The following RASAL3 variants were observed in gnomAD, a reference collection of about 807,000 sequenced individuals.
The protein encoded by RASAL3 is RAS protein activator like 3.
RASAL3 carries 74 observed loss-of-function variants against 105.5 expected under a neutral mutation model. The observed-to-expected ratio is 0.70, with a 90% CI of 0.58 to 0.85. The LOEUF (loss-of-function observed/expected upper bound fraction) is 0.85, where lower values mean the gene tolerates loss of function less well. Among genes scored for constraint, RASAL3 ranks in the 40% least tolerant of loss-of-function variants. The pLI is 0.00. For synonymous variants in RASAL3, 579 were observed against 591.6 expected (o/e 0.98, Z 0.31); for missense variants, 1,352 against 1,392.0 (o/e 0.97, Z 0.46).
intron 16 of RASAL3, 83 bp downstream of exon 16, chr19:15,452,575 T>TGGCG (rs1491257406): frequency 1.5e-4 from 123 of 837,866 alleles, no homozygotes; most frequent in Admixed American, 4.3e-4. Flanking sequence ...AGGCGTGGTT[T>TGGCG]GGGGGGGGGG....
In RASAL3 at chr19:15,457,679, C is replaced by T; in HGVS notation, c.1044G>A (p.Gln348=). 1 of 1,445,900 alleles carries T rather than the reference C, an allele frequency of 6.9e-7. No individual in the cohort carries two copies. The highest frequency in any genetic ancestry group is 2.9e-5 in the Admixed American group (1 of 34,390). The allele number at this position is 1,445,900 out of a possible 1,614,324, so 89.6% of individuals were successfully genotyped here. A position where few individuals can be genotyped will look rare whatever the true frequency, so the allele number is the denominator to read the frequency against. Residue 348 remains glutamine (Q), a synonymous_variant, in exon 9 of 18, where the codon CAG becomes CAA. Transcript: ENST00000343625. This position sits in a 1 kb window ranked among gnomAD's most constrained non-coding sequence, Gnocchi z 8.6. ...ARTAPRAGPG[Q]LFWAERFHFE... ...AGTGGAAGCGCTCGGCCCAGAAGAG[C>T]TGGCCTGGGCCGGCCCGAGGCGCCG...
intron 16 of RASAL3, 85 bp downstream of exon 16, chr19:15,452,573 T>TG: frequency 3.8e-6 from 3 of 782,776 alleles, no homozygotes; most frequent in Non-Finnish European, 4.9e-6. Flanking sequence ...CTAGGCGTGG[T>TG]TTGGGGGGGG....
intron 5 of RASAL3, 56 bp downstream of exon 5, chr19:15,461,004 A>G: frequency 1.9e-6 from 3 of 1,541,112 alleles, no homozygotes; most frequent in Non-Finnish European, 2.7e-6. Context: ...TTCAGCTTTG[A>G]GGGTCCGAGA....
chr19:15,452,205 A>G (rs983118904), intron 16 of RASAL3, 97 bp from the exon 17 acceptor site: 84 of 1,239,236 alleles, frequency 6.8e-5, no homozygotes, highest in Non-Finnish European at 9.3e-5. Context: ...CGGAGCTTGG[A>G]GTGGAGGCGG....
chr19:15,456,702 C>T lies in RASAL3; in HGVS notation c.1432-56G>A. On this transcript the variant is annotated intron_variant, in intron 9 of 17. Transcript: ENST00000343625. The surrounding 1 kb of genome is among the most constrained non-coding windows in gnomAD (Gnocchi z 4.4). ...GATGCAGACAGAGTCCAAGGGAATT[C>T]GGATCCTTGGCTGGTCCCTCACACC... The T allele has an allele frequency of 6.4e-7, 1 of 1,574,354 alleles. No individual in the cohort carries two copies. Among genetic ancestry groups the T allele is most frequent in the Non-Finnish European group, 8.6e-7 (1 of 1,163,326 alleles).
In RASAL3 at chr19:15,452,291, G is replaced by C. The variant is rs1970175253; in HGVS notation, c.2829-183C>G. 3 of 645,886 alleles carry C rather than the reference G, an allele frequency of 4.6e-6. 1 individual carries two copies. In the South Asian group the frequency reaches 5.2e-5, roughly 11 times the overall value. The allele number at this position is 645,886 out of a possible 1,614,324, so 40.0% of individuals were successfully genotyped here. A position where few individuals can be genotyped will look rare whatever the true frequency, so the allele number is the denominator to read the frequency against. ...GACCAGAGACGGGAATGGTTGGAAT[G>C]ACAGGACCTATCAATCATCCCTTGG... is the stretch of plus-strand genomic sequence containing the variant. On this transcript the variant is annotated intron_variant, in intron 16 of 17. Transcript: ENST00000343625.
rs1970346681 is a variant in RASAL3 at position 15,457,117 on chromosome 19, C to T, written c.1431+175G>A. Among the ~76,000 whole-genome samples, 1 of 151,918 alleles carries T rather than the reference C, an allele frequency of 6.6e-6. No homozygotes were observed. Among genetic ancestry groups the T allele is most frequent in the Non-Finnish European group, 1.5e-5 (1 of 67,938 alleles). On this transcript the variant is annotated intron_variant, in intron 9 of 17. Transcript: ENST00000343625. The surrounding 1 kb of genome is among the most constrained non-coding windows in gnomAD (Gnocchi z 8.6). Reference sequence around the variant, plus strand: ...TCAGGCCCCGCCCTTCTAGGTGCCCCGCCCTTCTAGGTGCCCCGCCGCTTA... The same window carrying T: ...TCAGGCCCCGCCCTTCTAGGTGCCCTGCCCTTCTAGGTGCCCCGCCGCTTA...
At position 15,454,166 on chromosome 19, in the gene RASAL3, CG is replaced by C; in HGVS notation, c.2261del (p.Pro754ArgfsTer89). Reference protein sequence around the residue: ...VSVPMRLPLPPAQVHSSLSAG... With the variant: ...VSVPMRLPLPXAQVHSSLSAG... The stretch of plus-strand genomic sequence containing the variant: ...GAGGTTACCTGGAGTGGACCTGGGC[CG>C]GGGGCAGTGGGAGACGCATTGGCAC... On this transcript the variant is annotated frameshift_variant, in exon 14 of 18. Transcript: ENST00000343625. LOFTEE classifies it high-confidence loss of function. The C allele has an allele frequency of 6.4e-7, 1 of 1,563,904 alleles. No homozygotes were observed. Among genetic ancestry groups the C allele is most frequent in the Non-Finnish European group, 8.7e-7 (1 of 1,153,790 alleles).
chr19:15,454,854 C>T lies in RASAL3; in HGVS notation c.1761G>A (p.Trp587Ter), dbSNP rs1970270166. 1.9e-6 allele frequency: 3 copies of T among 1,575,724 alleles called. No homozygotes were observed. The highest frequency in any genetic ancestry group is 2.6e-6 in the Non-Finnish European group (3 of 1,161,116). Residue 587 changes from tryptophan (W) to a stop codon, truncating the protein, a stop_gained, in exon 12 of 18, where the codon TGG (tryptophan) becomes TGA (stop). Transcript: ENST00000343625. LOFTEE classifies it high-confidence loss of function. ...PAELGIVFSS[W>*]REACKERGSE... ...AGCCACGTTCTTTACATGCTTCTCG[C>T]CAGCTTGAGAACACGATGCCCAGCT...
At chr19:15,455,360 A>C (rs1970285363) in intron 11 of RASAL3, among the ~76,000 whole-genome samples, 1 of 152,090 alleles carries the variant, frequency 6.6e-6, no homozygotes, top group Non-Finnish European at 1.5e-5. Flanking sequence ...AGGTCAAGGG[A>C]TTGGAATCCC....
At chr19:15,460,966 G>C (rs1970487844) in intron 5 of RASAL3, 94 bp downstream of exon 5, 4 of 1,171,696 alleles carry the variant, frequency 3.4e-6, no homozygotes, top group Non-Finnish European at 5.0e-6. Context: ...TCAGCAACCT[G>C]CTCCAGATCA....
At position 15,453,392 on chromosome 19, in the gene RASAL3, C is replaced by T; in HGVS notation, c.2385G>A (p.Glu795=). The change falls in exon 15 of 18, where the codon GAG becomes GAA. Residue 795 remains glutamate (E), a synonymous_variant. Coordinates refer to ENST00000343625, the MANE Select transcript of RASAL3 (RefSeq NM_022904.3). This position sits in a 1 kb window ranked among gnomAD's most constrained non-coding sequence, Gnocchi z 4.2. ...SQSLRSVRRS[E]SWARPRPDEE... The stretch of plus-strand genomic sequence containing the variant: ...CGTCCGGCCGTGGCCGGGCCCAACT[C>T]TCTGAGCGGCGAACGCTGCGCAGAG... The T allele has an allele frequency of 6.7e-7, 1 of 1,481,772 alleles. No homozygotes were observed. The highest frequency in any genetic ancestry group is 8.9e-7 in the Non-Finnish European group (1 of 1,124,514). The allele number at this position is 1,481,772 out of a possible 1,614,324, so 91.8% of individuals were successfully genotyped here. A position where few individuals can be genotyped will look rare whatever the true frequency, so the allele number is the denominator to read the frequency against.
chr19:15,463,931 C>T, intron 2 of RASAL3, 100 bp downstream of exon 2: 1 of 1,179,534 alleles, frequency 8.5e-7, no homozygotes, highest in Non-Finnish European at 1.2e-6. Context: ...GCACTCCCCA[C>T]AACTTCCTGT....
intron 6 of RASAL3, among the ~76,000 whole-genome samples, chr19:15,459,247 T>TTATTTATTTATTTATG (rs1970434096): frequency 6.7e-6 from 1 of 150,104 alleles, no homozygotes; most frequent in Non-Finnish European, 1.5e-5. Flanking sequence ...CCCTATTTAT[T>TTATTTATTTATTTATG]TATTTATTTA....
In RASAL3 at chr19:15,457,354, G is replaced by C. The variant is rs1273685063; in HGVS notation, c.1369C>G (p.Gln457Glu). Residue 457 changes from glutamine to glutamate, a missense_variant, in exon 9 of 18, where the codon CAG (glutamine) becomes GAG (glutamate). Around this residue, in one of 3 missense-constraint regions of RASAL3, gnomAD observed 920 missense variants for 919.6 expected, o/e 1.00. Transcript: ENST00000343625. This position sits in a 1 kb window ranked among gnomAD's most constrained non-coding sequence, Gnocchi z 8.6. The stretch of plus-strand genomic sequence containing the variant: ...GCTGCCGCCAGCTCCTCCTTGGCCT[G>C]CGCAGGCAGCGCGGGCTCCAGGGCC... ...CGALEPALPA[Q>E]AKEELAAAMV... 15 of 1,411,764 alleles carry C rather than the reference G, an allele frequency of 1.1e-5. No homozygotes were observed. In the East Asian group the frequency reaches 4.4e-4, roughly 42 times the overall value. The allele number at this position is 1,411,764 out of a possible 1,614,324, so 87.5% of individuals were successfully genotyped here. A position where few individuals can be genotyped will look rare whatever the true frequency, so the allele number is the denominator to read the frequency against.
Position 15,451,785 on chromosome 19 carries a change from G to C in RASAL3, c.*10C>G. ...TCCCAGACCACGTGTGATGAGGCAG[G>C]ATGGGCAGCTCAGGTGGTGTCTCCA... On this transcript the variant is annotated 3_prime_UTR_variant, in exon 18 of 18. Transcript: ENST00000343625. 6.3e-7 allele frequency: 1 copy of C among 1,584,526 alleles called. No homozygotes were observed. Among genetic ancestry groups the C allele is most frequent in the South Asian group, 1.1e-5 (1 of 89,500 alleles).
rs1970219425 is a variant in RASAL3, at chr19:15,453,364, C to T, written c.2413G>A (p.Glu805Lys). 4.2e-6 allele frequency: 6 copies of T among 1,443,220 alleles called. No homozygotes were observed. In the South Asian group the frequency reaches 8.5e-5, roughly 20 times the overall value. 89.4% of individuals were successfully genotyped at this position (1,443,220 alleles called of 1,614,324 possible). The change falls in exon 15 of 18, where the codon GAG (glutamate) becomes AAG (lysine). Residue 805 changes from glutamate (E) to lysine (K), a missense_variant. Glu to Lys is a moderately conservative substitution (Grantham distance 56). Transcript: ENST00000343625. The surrounding 1 kb of genome is among the most constrained non-coding windows in gnomAD (Gnocchi z 4.2). The part of the protein sequence containing the change: ...ESWARPRPDE[E>K]RPLRRPRPVQ... ...GGCCGGGGCCGCCGCAGGGGCCGCT[C>T]TTCGTCCGGCCGTGGCCGGGCCCAA...
At chr19:15,459,239 C>CTATTTATTTATTTATTTATTTATTTATT (rs34335057) in intron 6 of RASAL3, among the ~76,000 whole-genome samples, 12 of 144,544 alleles carry the variant, frequency 8.3e-5, no homozygotes, top group African/African-American at 1.3e-4. Flanking sequence ...GTGCCCAGCC[C>CTATTTATTTATTTATTTATTTATTTATT]TATTTATTTA....
intron 2 of RASAL3, 64 bp downstream of exon 2, chr19:15,463,967 C>T (rs903758525): frequency 1.4e-6 from 2 of 1,419,426 alleles, no homozygotes; most frequent in African/African-American, 1.4e-5. Flanking sequence ...GCTCCGGAGG[C>T]AGACAAAACC....
Sources: allele counts gnomAD v4.1 joint callset (sites outside exome capture counted in the v4.1 genomes callset), GRCh38; gene constraint gnomAD v4.1.1; regional missense constraint gnomAD v4.1.1; non-coding constraint Gnocchi (gnomAD v3.1); transcripts MANE v1.5; gene names NCBI Gene and HGNC (gene_info 2026-07-23, HGNC 2026-07-21).